The following P3H2 variants were observed in gnomAD, a reference collection of about 807,000 sequenced individuals.
P3H2 encodes the protein leprecan-like 1.
In P3H2, 80 loss-of-function variants were observed where a neutral mutation model predicts 87.0. The ratio of observed to expected loss-of-function variants is 0.92; its 90% CI spans 0.77 to 1.11. P3H2 has a LOEUF of 1.11. P3H2 is among the 50% of genes least tolerant of loss of function. The pLI, the probability that P3H2 is intolerant of heterozygous loss-of-function variation, is 0.00. For missense variants in P3H2, 1,001 were observed against 923.9 expected (o/e 1.08, Z -1.08); for synonymous variants, 367 against 359.3 (o/e 1.02, Z -0.24).
At chr3:190,065,303 A>T (rs577314660) in intron 1 of P3H2, among the ~76,000 whole-genome samples, 26 of 152,106 alleles carry the variant, frequency 1.7e-4, no homozygotes, top group South Asian at 8.3e-4. Context: ...GCCCATAAAA[A>T]CCTTCCATGG....
intron 1 of P3H2, among the ~76,000 whole-genome samples, chr3:190,117,345 T>C (rs1296991539): frequency 6.6e-6 from 1 of 152,118 alleles, no homozygotes; most frequent in African/African-American, 2.4e-5. Context: ...TCAGCAGGAT[T>C]TGGGGGAGCA....
chr3:189,958,109 T>C (rs1722696618), intron 14 of P3H2, 105 bp from the exon 15 acceptor site: 1 of 810,706 alleles, frequency 1.2e-6, no homozygotes, highest in African/African-American at 1.7e-5. Flanking sequence ...CATGGGTTGA[T>C]GCTATATCCA....
intron 6 of P3H2, among the ~76,000 whole-genome samples, chr3:189,986,104 T>C (rs1461709336): frequency 6.6e-6 from 1 of 152,214 alleles, no homozygotes; most frequent in African/African-American, 2.4e-5. Flanking sequence ...TTGAATTCTC[T>C]TTAATGTTTA....
At chr3:190,030,546 A>C (rs1268444439) in intron 1 of P3H2, among the ~76,000 whole-genome samples, 1 of 152,196 alleles carries the variant, frequency 6.6e-6, no homozygotes, top group Non-Finnish European at 1.5e-5. Flanking sequence ...AGAGAGTGAG[A>C]CCCTGTCTCA....
intron 1 of P3H2, among the ~76,000 whole-genome samples, chr3:190,059,148 T>C (rs549713434): frequency 1.3e-5 from 2 of 152,288 alleles, no homozygotes; most frequent in African/African-American, 2.4e-5. Context: ...AGTAGCTTCC[T>C]ACCCTACACT....
chr3:190,040,436 C>T (rs9825392), intron 1 of P3H2, among the ~76,000 whole-genome samples: 2,678 of 152,226 alleles, frequency 0.018, 77 homozygotes, highest in African/African-American at 0.062. Flanking sequence ...GCAGCTTGTT[C>T]CATCAGAGTC....
At chr3:189,988,543 C>T (rs539204061) in intron 4 of P3H2, among the ~76,000 whole-genome samples, 2 of 152,158 alleles carry the variant, frequency 1.3e-5, no homozygotes, top group East Asian at 1.9e-4. Context: ...GACTTGAGCA[C>T]GTGATTCACT....
intron 12 of P3H2, chr3:189,971,573 T>C: frequency 2.8e-6 from 1 of 361,764 alleles, no homozygotes; most frequent in Non-Finnish European, 5.3e-6. Context: ...CCTTGTATTC[T>C]GACTGAAATA....
At position 189,998,676 on chromosome 3, in the gene P3H2, G is replaced by C. The variant is rs1724122365; in HGVS notation, c.481-3234C>G. Among the ~76,000 whole-genome samples the C allele has an allele frequency of 5.3e-5, 8 of 151,932 alleles. No homozygotes were observed. The South Asian group carries it at 1.2e-3, about 24-fold the overall frequency. On this transcript the variant is annotated intron_variant, in intron 1 of 14. Transcript: ENST00000319332. ...CAGAGTATATCTATGCTATGTCTTAGAAAAGAGAAAAAAACTTGTAAGAAG... is the reference window on the plus strand; with the variant it reads ...CAGAGTATATCTATGCTATGTCTTACAAAAGAGAAAAAAACTTGTAAGAAG...
At chr3:190,053,468 G>A (rs915619326) in intron 1 of P3H2, among the ~76,000 whole-genome samples, 1 of 65,412 alleles carries the variant, frequency 1.5e-5, no homozygotes, top group African/African-American at 5.4e-5. Flanking sequence ...TTTTTTTTTT[G>A]AGATGGAGTT....
intron 8 of P3H2, among the ~76,000 whole-genome samples, chr3:189,977,544 G>C (rs1399197900): frequency 6.6e-6 from 1 of 152,020 alleles, no homozygotes; most frequent in Non-Finnish European, 1.5e-5. Flanking sequence ...GATAATAAAT[G>C]GATATTTTCA....
At chr3:189,977,178 C>G (rs1027208403) in intron 8 of P3H2, among the ~76,000 whole-genome samples, 5 of 152,120 alleles carry the variant, frequency 3.3e-5, no homozygotes, top group African/African-American at 1.2e-4. Context: ...CCCACAAGTG[C>G]GAGTGGAACC....
upstream of P3H2, chr3:190,121,065 C>T: frequency 3.0e-6 from 1 of 329,772 alleles, no homozygotes; most frequent in South Asian, 6.1e-5. Flanking sequence ...CGCTTGAGGC[C>T]GGCCGGGGAC....
At chr3:189,967,978 A>C (rs1723051765) in intron 13 of P3H2, among the ~76,000 whole-genome samples, 1 of 152,230 alleles carries the variant, frequency 6.6e-6, no homozygotes, top group African/African-American at 2.4e-5. Context: ...CATAAAATTC[A>C]AGAAAAGTTT....
chr3:190,011,291 G>T (rs889550688), intron 1 of P3H2, among the ~76,000 whole-genome samples: 3 of 147,856 alleles, frequency 2.0e-5, no homozygotes, highest in Non-Finnish European at 4.5e-5. Context: ...AAAAAAAATA[G>T]AGTTTCATGC....
At chr3:190,086,789 T>G (rs1019794168) in intron 1 of P3H2, among the ~76,000 whole-genome samples, 11 of 152,012 alleles carry the variant, frequency 7.2e-5, no homozygotes, top group Non-Finnish European at 1.5e-4. Flanking sequence ...CTCTCAAATA[T>G]CCAGGCATTG....
intron 13 of P3H2, among the ~76,000 whole-genome samples, chr3:189,966,509 A>G (rs1027357266): frequency 3.3e-5 from 5 of 152,232 alleles, no homozygotes; most frequent in African/African-American, 1.2e-4. Flanking sequence ...CCATCTCATC[A>G]CACAGCGAAC....
At chr3:190,007,986 A>ATATATATATATATATATG (rs1560359925) in intron 1 of P3H2, among the ~76,000 whole-genome samples, 20 of 141,620 alleles carry the variant, frequency 1.4e-4, no homozygotes, top group African/African-American at 4.8e-4. Flanking sequence ...ATATATATAT[A>ATATATATATATATATATG]GTAAACTTCA....
Position 189,973,073 on chromosome 3 carries a change from C to T in P3H2, c.1549-49G>A, listed in dbSNP as rs745970243. On this transcript the variant is annotated intron_variant, in intron 10 of 14. Coordinates refer to ENST00000319332, the MANE Select transcript of P3H2 (RefSeq NM_018192.4). ...AGAAACAAATGGGTTCATTGGAGGT[C>T]GTAAGAAAAACAGGCACTAGCTTGC... is the stretch of plus-strand genomic sequence containing the variant. 438 of 1,557,962 alleles carry T rather than the reference C, an allele frequency of 2.8e-4. 1 individual carries two copies. The highest frequency in any genetic ancestry group is 6.8e-4 in the Admixed American group (39 of 57,032).
Sources: gnomAD v4.1 joint callset for allele counts (sites outside exome capture counted in the v4.1 genomes callset) on GRCh38, gnomAD v4.1.1 for gene constraint, MANE v1.5 for transcripts, NCBI Gene and HGNC (gene_info 2026-07-23, HGNC 2026-07-21) for gene names.